The following TAF4 variants were observed in gnomAD, a reference collection of about 807,000 sequenced individuals.
The protein encoded by TAF4 is TATA-box binding protein associated factor 4.
In TAF4, 9 loss-of-function variants were observed where a neutral mutation model predicts 90.3. That is an observed-to-expected ratio of 0.10 (90% CI 0.06 to 0.17). TAF4 has a LOEUF of 0.17. TAF4 is among the 10% of genes least tolerant of loss of function. The pLI is 1.00. For synonymous variants in TAF4, 818 were observed against 638.9 expected (o/e 1.28, Z -4.23); for missense variants, 1,351 against 1,370.7 (o/e 0.99, Z 0.23).
At chr20:62,048,937 C>T (rs1425977767) in intron 1 of TAF4, among the ~76,000 whole-genome samples, 2 of 147,596 alleles carry the variant, frequency 1.4e-5, no homozygotes, top group African/African-American at 2.5e-5. Flanking sequence ...TCCATCGTCC[C>T]GCGGCCCTCT....
In TAF4 at chr20:62,000,740, G is replaced by C; in HGVS notation, c.2487-19C>G. 3.7e-6 allele frequency: 6 copies of C among 1,613,854 alleles called. No homozygotes were observed. The highest frequency in any genetic ancestry group is 5.1e-6 in the Non-Finnish European group (6 of 1,179,796). On this transcript the variant is annotated intron_variant, in intron 9 of 14. Transcript: ENST00000252996. ...ATCGTCCCTTGAGGAAAGAAGGGAA[G>C]ATCACTTTAACTGTACAAGGAATTC...
chr20:61,977,884 G>A (rs938417336), intron 14 of TAF4, among the ~76,000 whole-genome samples: 2 of 152,238 alleles, frequency 1.3e-5, no homozygotes, highest in African/African-American at 2.4e-5. Context: ...ATTCCGGACT[G>A]TGTTTGATGT....
At chr20:61,992,798 C>A (rs1051647786) in intron 14 of TAF4, among the ~76,000 whole-genome samples, 1 of 152,122 alleles carries the variant, frequency 6.6e-6, no homozygotes, top group African/African-American at 2.4e-5. Flanking sequence ...AACGTCCAGA[C>A]GGCAAGGACA....
At chr20:62,037,366 A>G (rs1222748693) in intron 1 of TAF4, 1 of 152,270 alleles carries the variant, frequency 6.6e-6, no homozygotes, top group African/African-American at 2.4e-5. Flanking sequence ...AGAAAATCCT[A>G]AGAAATCCAC....
chr20:61,990,900 C>CA (rs763404765), intron 14 of TAF4, among the ~76,000 whole-genome samples: 1 of 152,176 alleles, frequency 6.6e-6, no homozygotes, highest in Non-Finnish European at 1.5e-5. Context: ...TGTCCTGTTA[C>CA]AAGTTCGAGA....
intron 1 of TAF4, among the ~76,000 whole-genome samples, chr20:62,032,995 T>C (rs1426780520): frequency 2.0e-5 from 3 of 150,890 alleles, no homozygotes; most frequent in African/African-American, 4.9e-5. Flanking sequence ...AGGAAGCAGC[T>C]GGGAAATGAT....
At chr20:62,000,505 G>C (rs1402144748) in intron 10 of TAF4, 47 bp downstream of exon 10, 2 of 1,584,938 alleles carry the variant, frequency 1.3e-6, no homozygotes, top group Admixed American at 3.5e-5. Context: ...CCATGCCCCA[G>C]CAGCGCAGCT....
intron 9 of TAF4, among the ~76,000 whole-genome samples, chr20:62,001,829 C>A (rs1435058672): frequency 1.1e-5 from 1 of 90,518 alleles, no homozygotes; most frequent in African/African-American, 3.8e-5. Context: ...ATTTCCTTAT[C>A]CCAGTCCCGC....
At chr20:61,976,462 T>C (rs2123083173) in intron 14 of TAF4, 127 bp from the exon 15 acceptor site, 1 of 1,100,934 alleles carries the variant, frequency 9.1e-7, no homozygotes, top group Non-Finnish European at 1.3e-6. Flanking sequence ...CTCCTTCCGG[T>C]AGGCCCACAG....
At chr20:61,984,547 T>C (rs1343489554) in intron 14 of TAF4, among the ~76,000 whole-genome samples, 1 of 151,136 alleles carries the variant, frequency 6.6e-6, no homozygotes, top group Non-Finnish European at 1.5e-5. Flanking sequence ...GCCACCCAGC[T>C]GGGAAAGAGG....
intron 1 of TAF4, among the ~76,000 whole-genome samples, chr20:62,035,504 C>T (rs2055927326): frequency 6.6e-6 from 1 of 152,142 alleles, no homozygotes; most frequent in Non-Finnish European, 1.5e-5. Context: ...ACTGTCAATC[C>T]AAATAGGAGG....
intron 1 of TAF4, among the ~76,000 whole-genome samples, chr20:62,016,087 CCA>C (rs911448485): frequency 2.5e-4 from 38 of 152,326 alleles, no homozygotes; most frequent in African/African-American, 8.9e-4. Context: ...GAGTCTGTGC[CCA>C]CAGTGCCCAA....
chr20:61,990,595 C>T (rs1456023228), intron 14 of TAF4, among the ~76,000 whole-genome samples: 1 of 152,202 alleles, frequency 6.6e-6, no homozygotes, highest in African/African-American at 2.4e-5. Context: ...CAGGTCCCTC[C>T]AAGAGCCGCA....
intron 1 of TAF4, among the ~76,000 whole-genome samples, chr20:62,017,159 A>G (rs1422720948): frequency 6.6e-6 from 1 of 151,946 alleles, no homozygotes; most frequent in Non-Finnish European, 1.5e-5. Context: ...AAAAAAAAAA[A>G]ATGTTTTTAA....
intron 1 of TAF4, among the ~76,000 whole-genome samples, chr20:62,017,796 T>C (rs1426520123): frequency 6.6e-6 from 1 of 150,662 alleles, no homozygotes; most frequent in East Asian, 1.9e-4. Flanking sequence ...ATTGCACCAC[T>C]GCACTCCAGC....
intron 1 of TAF4, among the ~76,000 whole-genome samples, chr20:62,036,856 G>C (rs2055935292): frequency 6.6e-6 from 1 of 152,206 alleles, no homozygotes; most frequent in Non-Finnish European, 1.5e-5. Flanking sequence ...GCAGAAGCGG[G>C]GGGACTTTGG....
intron 1 of TAF4, among the ~76,000 whole-genome samples, chr20:62,026,025 C>T (rs144629256): frequency 5.9e-5 from 9 of 152,278 alleles, no homozygotes; most frequent in East Asian, 5.8e-4. Flanking sequence ...TTAAAACACA[C>T]GCAGAGAGCC....
At position 62,014,692 on chromosome 20, in the gene TAF4, C is replaced by T. The variant is rs1329345367; in HGVS notation, c.1376G>A (p.Arg459Gln). The T allele has an allele frequency of 1.9e-6, 3 of 1,613,542 alleles. No individual in the cohort carries two copies. The highest frequency in any genetic ancestry group is 2.5e-6 in the Non-Finnish European group (3 of 1,179,878). Residue 459 changes from arginine (R) to glutamine (Q), a missense_variant, in exon 2 of 15, where the codon CGA becomes CAA. Arg to Gln is a conservative substitution (Grantham distance 43). Coordinates refer to ENST00000252996, the MANE Select transcript of TAF4 (RefSeq NM_003185.4). ...FQLPPGMVLVRSENGQLLMIP... is the reference protein window; with the variant it reads ...FQLPPGMVLVQSENGQLLMIP... ...CATTAACAACTGCCCATTCTCACTT[C>T]GGACGAGGACCATTCCTGCAGACAA...
chr20:62,059,175 G>T (rs1343676387), intron 1 of TAF4, among the ~76,000 whole-genome samples: 1 of 152,228 alleles, frequency 6.6e-6, no homozygotes, highest in Non-Finnish European at 1.5e-5. Context: ...CCTGCACACT[G>T]CAGCATGGCC....
Sources: allele counts gnomAD v4.1 joint callset (sites outside exome capture counted in the v4.1 genomes callset), GRCh38; gene constraint gnomAD v4.1.1; transcripts MANE v1.5; gene names NCBI Gene and HGNC (gene_info 2026-07-23, HGNC 2026-07-21).